Variants in WDR70 observed in about 807,000 individuals in gnomAD.
The protein encoded by WDR70 is WD repeat domain 70, also known as WD repeat-containing protein 70.
A neutral mutation model predicts 88.6 loss-of-function variants in WDR70; 53 were observed. That is an observed-to-expected ratio of 0.60 (90% CI 0.48 to 0.75). The LOEUF (loss-of-function observed/expected upper bound fraction) is 0.75. Ranked by LOEUF, WDR70 falls within the 30% of genes least tolerant of loss-of-function variation. WDR70 has a pLI of 0.00. For synonymous variants in WDR70, 280 were observed against 270.0 expected, an observed-to-expected ratio of 1.04 and a Z score of -0.36; for missense variants, 610 against 823.2, an observed-to-expected ratio of 0.74 and a Z score of 3.17.
At chr5:37,437,229 G>C in intron 5 of WDR70, among the ~76,000 whole-genome samples, 1 of 152,154 alleles carries the variant, frequency 6.6e-6, no homozygotes. Context: ...CAATGAATCA[G>C]TGAATGATTT....
intron 10 of WDR70, among the ~76,000 whole-genome samples, chr5:37,627,449 T>A (rs1032719468): frequency 5.9e-5 from 9 of 152,174 alleles, no homozygotes; most frequent in Non-Finnish European, 1.3e-4. Flanking sequence ...ATTGTTTTTA[T>A]TTCTTTTACT....
chr5:37,499,591 C>T lies in WDR70; in HGVS notation c.841-16923C>T, dbSNP rs2366411. ...TAAATATGTGATTTGGAAATATTCT[C>T]TCTCTCTCTCTCTCTCTCTCTCTCT... On this transcript the variant is annotated intron_variant, in intron 8 of 17. Transcript: ENST00000265107. 5.5e-3 allele frequency among the ~76,000 whole-genome samples: 205 copies of T among 36,978 alleles called. 3 individuals are homozygous for T. Among genetic ancestry groups the T allele is most frequent in the African/African-American group, 0.01 (194 of 18,712 alleles). The allele number at this position is 36,978 out of a possible 152,430, so 24.3% of individuals were successfully genotyped here. A position where few individuals can be genotyped will look rare whatever the true frequency, so the allele number is the denominator to read the frequency against.
At chr5:37,578,695 A>G (rs1743127391) in intron 9 of WDR70, among the ~76,000 whole-genome samples, 1 of 152,240 alleles carries the variant, frequency 6.6e-6, no homozygotes, top group African/African-American at 2.4e-5. Context: ...GTAAGGCACA[A>G]CTAATTAGAC....
chr5:37,664,732 C>T (rs981176680), intron 10 of WDR70, among the ~76,000 whole-genome samples: 4 of 152,202 alleles, frequency 2.6e-5, no homozygotes, highest in Admixed American at 6.5e-5. Context: ...GCCATTTAAC[C>T]GATCTTGACA....
At position 37,704,973 on chromosome 5, in the gene WDR70, A is replaced by C. The variant is rs530209334; in HGVS notation, c.1416+1886A>C. On this transcript the variant is annotated intron_variant, in intron 13 of 17. Coordinates refer to ENST00000265107, the MANE Select transcript of WDR70 (RefSeq NM_018034.4). ...TTGAAATACAAGGTTTAGTTATATA[A>C]GATTTGGTGAGTCTGTGTAGATGAA... is the stretch of plus-strand genomic sequence containing the variant. 1.0e-3 allele frequency among the ~76,000 whole-genome samples: 158 copies of C among 152,180 alleles called. 1 individual carries two copies. Among genetic ancestry groups the C allele is most frequent in the Middle Eastern group, 6.8e-3 (2 of 294 alleles).
chr5:37,562,479 T>A (rs1256939992), intron 9 of WDR70, among the ~76,000 whole-genome samples: 3 of 148,660 alleles, frequency 2.0e-5, no homozygotes, highest in African/African-American at 7.5e-5. Context: ...CATTCTTGGG[T>A]GTTTCTCCCA....
chr5:37,406,144 A>G lies in WDR70; in HGVS notation c.492+9574A>G, dbSNP rs1234941560. 3.3e-5 allele frequency among the ~76,000 whole-genome samples: 5 copies of G among 152,230 alleles called. No individual in the cohort carries two copies. The South Asian group carries it at 8.3e-4, about 25-fold the overall frequency. On this transcript the variant is annotated intron_variant, in intron 5 of 17. Transcript: ENST00000265107. Reference sequence around the variant, plus strand: ...CAAATTAAGTTAATTAATATAAAACATGAGAAACAGAGTCTTAAATACCAG... The same window carrying G: ...CAAATTAAGTTAATTAATATAAAACGTGAGAAACAGAGTCTTAAATACCAG...
chr5:37,591,761 C>A (rs1207197570), intron 9 of WDR70, among the ~76,000 whole-genome samples: 1 of 152,276 alleles, frequency 6.6e-6, no homozygotes, highest in African/African-American at 2.4e-5. Flanking sequence ...CCCCAATGAA[C>A]TGAAACAAAA....
At chr5:37,557,987 GTA>G (rs1490410842) in intron 9 of WDR70, among the ~76,000 whole-genome samples, 1 of 4,148 alleles carries the variant, frequency 2.4e-4, no homozygotes, top group Admixed American at 2.7e-3. Flanking sequence ...ATGATGAAAG[GTA>G]TATGAAAGGA....
intron 9 of WDR70, among the ~76,000 whole-genome samples, chr5:37,576,421 T>C (rs1225079778): frequency 6.6e-6 from 1 of 152,096 alleles, no homozygotes; most frequent in African/African-American, 2.4e-5. Flanking sequence ...TTACTTTTCT[T>C]GTCCATTGTA....
At chr5:37,527,881 C>G (rs996686164) in intron 9 of WDR70, among the ~76,000 whole-genome samples, 5 of 152,154 alleles carry the variant, frequency 3.3e-5, no homozygotes, top group Non-Finnish European at 7.4e-5. Context: ...TGAAGAAATG[C>G]TCTTCATCAC....
chr5:37,525,693 C>A (rs1021423842), intron 9 of WDR70, among the ~76,000 whole-genome samples: 4 of 152,124 alleles, frequency 2.6e-5, no homozygotes, highest in African/African-American at 7.2e-5. Context: ...AATCCAGGAG[C>A]TGGTTTTTTG....
At chr5:37,492,373 C>T (rs1740093160) in intron 8 of WDR70, among the ~76,000 whole-genome samples, 2 of 152,192 alleles carry the variant, frequency 1.3e-5, no homozygotes. Flanking sequence ...AGAATTGCTA[C>T]ACCCAAAGCT....
intron 10 of WDR70, among the ~76,000 whole-genome samples, chr5:37,639,543 G>A (rs1043140805): frequency 6.6e-6 from 1 of 152,054 alleles, no homozygotes; most frequent in African/African-American, 2.4e-5. Context: ...TGTTGTTGTT[G>A]TTTTGCTCTT....
At chr5:37,430,263 A>G (rs10491332) in intron 5 of WDR70, among the ~76,000 whole-genome samples, 133,792 of 152,150 alleles carry the variant, frequency 0.88, 61,343 homozygotes, top group East Asian at 1. Flanking sequence ...GGGAGTGATA[A>G]GATGAAAGTA....
At position 37,750,856 on chromosome 5, in the gene WDR70, CA is replaced by C. The variant is rs1748786415; in HGVS notation, c.1878-1629del. 2.0e-5 allele frequency among the ~76,000 whole-genome samples: 3 copies of C among 152,314 alleles called. No homozygotes were observed. The South Asian group carries it at 6.2e-4, about 32-fold the overall frequency. On this transcript the variant is annotated intron_variant, in intron 17 of 17. Coordinates refer to ENST00000265107, the MANE Select transcript of WDR70 (RefSeq NM_018034.4). ...CTAGTCTCAGATATGTCTTTATTAGCAGCGTGAGAACAGTCTAATACAGAGA... is the reference window on the plus strand; with the variant it reads ...CTAGTCTCAGATATGTCTTTATTAGCGCGTGAGAACAGTCTAATACAGAGA...
At chr5:37,530,769 T>C (rs1741457279) in intron 9 of WDR70, among the ~76,000 whole-genome samples, 1 of 129,526 alleles carries the variant, frequency 7.7e-6, no homozygotes, top group Admixed American at 7.2e-5. Flanking sequence ...TTCATTTATC[T>C]TTTGTTTTTT....
intron 17 of WDR70, among the ~76,000 whole-genome samples, chr5:37,732,219 A>C (rs1748167658): frequency 6.6e-6 from 1 of 152,118 alleles, no homozygotes; most frequent in Admixed American, 6.5e-5. Context: ...AGAGAGAGAG[A>C]TATGTGTAGA....
intron 5 of WDR70, among the ~76,000 whole-genome samples, chr5:37,437,688 TC>T (rs1279691854): frequency 2.6e-5 from 4 of 152,154 alleles, no homozygotes; most frequent in Non-Finnish European, 4.4e-5. Context: ...CTAATGAGTT[TC>T]TTAGGTTTAT....
Sources: gnomAD v4.1 joint callset for allele counts (sites outside exome capture counted in the v4.1 genomes callset) on GRCh38, gnomAD v4.1.1 for gene constraint, MANE v1.5 for transcripts, NCBI Gene and HGNC (gene_info 2026-07-23, HGNC 2026-07-21) for gene names.